Variants in F13A1 observed in about 807,000 individuals in gnomAD.
F13A1 encodes the protein coagulation factor XIII A chain, also known as FSF, A subunit.
F13A1 carries 47 observed loss-of-function variants against 80.1 expected under a neutral mutation model. That is an observed-to-expected ratio of 0.59 (90% CI 0.46 to 0.75). F13A1 has a LOEUF of 0.75. Ranked by LOEUF, F13A1 falls within the 30% of genes least tolerant of loss-of-function variation. The probability of loss-of-function intolerance (pLI) is 0.00; values close to 1 mark genes in which losing one functional copy is unlikely to be tolerated. For synonymous variants in F13A1, 349 were observed against 344.9 expected, an observed-to-expected ratio of 1.01 and a Z score of -0.13; for missense variants, 817 against 930.4, an observed-to-expected ratio of 0.88 and a Z score of 1.59.
At chr6:6,315,551 C>T (rs1032811883) in intron 2 of F13A1, among the ~76,000 whole-genome samples, 1 of 152,106 alleles carries the variant, frequency 6.6e-6, no homozygotes, top group Non-Finnish European at 1.5e-5. Flanking sequence ...GTTACCAAAG[C>T]CATGACTTAA....
chr6:6,305,964 C>T (rs982256391), intron 2 of F13A1, among the ~76,000 whole-genome samples: 1 of 152,194 alleles, frequency 6.6e-6, no homozygotes, highest in Non-Finnish European at 1.5e-5. Context: ...CTTCAATTTT[C>T]TTATCTTTCC....
rs144836742 is a variant in F13A1, at chr6:6,277,623, G to A, written c.320-10814C>T. 7.6e-3 allele frequency among the ~76,000 whole-genome samples: 1,158 copies of A among 152,294 alleles called. 16 individuals carry two copies. Among genetic ancestry groups the A allele is most frequent in the African/African-American group, 0.026 (1,084 of 41,558 alleles). The stretch of plus-strand genomic sequence containing the variant: ...ACCAGCCACAACTACAGTTTTGATT[G>A]CGTAAGAGACTGATTTCAGCATCTT... On this transcript the variant is annotated intron_variant, in intron 3 of 14. Transcript: ENST00000264870.
chr6:6,194,907 ACTCTTTGC>A (rs1315362490), intron 10 of F13A1, among the ~76,000 whole-genome samples: 20 of 152,048 alleles, frequency 1.3e-4, no homozygotes, highest in African/African-American at 4.3e-4. Context: ...TCACTTAATC[ACTCTTTGC>A]CTCGATTTTA....
chr6:6,256,112 A>C (rs911486663), intron 4 of F13A1, among the ~76,000 whole-genome samples: 14 of 152,134 alleles, frequency 9.2e-5, no homozygotes, highest in Non-Finnish European at 4.4e-5. Flanking sequence ...ACTAAGTTTC[A>C]GGGGAAGCTA....
intron 3 of F13A1, among the ~76,000 whole-genome samples, chr6:6,284,005 G>A (rs1455762021): frequency 1.3e-5 from 2 of 152,196 alleles, no homozygotes; most frequent in Non-Finnish European, 2.9e-5. Context: ...CTGAAGCAAG[G>A]ATGATTGAGT....
At chr6:6,304,944 A>C (rs1157753724) in intron 3 of F13A1, among the ~76,000 whole-genome samples, 2 of 151,910 alleles carry the variant, frequency 1.3e-5, no homozygotes, top group African/African-American at 4.8e-5. Context: ...GGGCCATCCC[A>C]TGGGACTAGA....
At chr6:6,220,202 C>G (rs1757172147) in intron 8 of F13A1, among the ~76,000 whole-genome samples, 1 of 152,106 alleles carries the variant, frequency 6.6e-6, no homozygotes, top group African/African-American at 2.4e-5. Flanking sequence ...CTACTACAAG[C>G]CAGGCAAAGG....
chr6:6,168,309 G>A (rs9504700), intron 12 of F13A1, among the ~76,000 whole-genome samples: 4,811 of 152,268 alleles, frequency 0.032, 149 homozygotes, highest in African/African-American at 0.085. Context: ...AAGCCAATGA[G>A]AATGGCATTT....
At chr6:6,240,225 C>T (rs1012366770) in intron 6 of F13A1, among the ~76,000 whole-genome samples, 7 of 151,898 alleles carry the variant, frequency 4.6e-5, no homozygotes, top group African/African-American at 1.7e-4. Flanking sequence ...CTGTTTTTCT[C>T]CAAAAATATG....
At chr6:6,263,358 C>G (rs1395302452) in intron 4 of F13A1, among the ~76,000 whole-genome samples, 2 of 152,210 alleles carry the variant, frequency 1.3e-5, no homozygotes, top group African/African-American at 2.4e-5. Context: ...CTTTCCTCCC[C>G]TATCCTATTC....
At chr6:6,319,645 G>A (rs1479047228) in intron 1 of F13A1, among the ~76,000 whole-genome samples, 1 of 152,118 alleles carries the variant, frequency 6.6e-6, no homozygotes, top group East Asian at 1.9e-4. Flanking sequence ...CTGGAGACTT[G>A]GCTATTTTCA....
intron 6 of F13A1, among the ~76,000 whole-genome samples, chr6:6,242,252 T>C (rs1757492947): frequency 6.6e-6 from 1 of 152,192 alleles, no homozygotes; most frequent in Non-Finnish European, 1.5e-5. Flanking sequence ...CTCCGAATTG[T>C]GGTCAGTTTG....
At chr6:6,281,515 G>T (rs1466325096) in intron 3 of F13A1, among the ~76,000 whole-genome samples, 1 of 152,186 alleles carries the variant, frequency 6.6e-6, no homozygotes, top group Non-Finnish European at 1.5e-5. Flanking sequence ...GAGGAGCTCA[G>T]TTAAGATGTC....
intron 6 of F13A1, 141 bp downstream of exon 6, chr6:6,248,171 C>A: frequency 1.3e-6 from 1 of 753,480 alleles, no homozygotes; most frequent in South Asian, 1.5e-5. Flanking sequence ...GGAGCTATAA[C>A]TGGGTGTCAG....
chr6:6,166,521 A>C (rs899793016), intron 13 of F13A1, among the ~76,000 whole-genome samples: 1 of 152,202 alleles, frequency 6.6e-6, no homozygotes, highest in Non-Finnish European at 1.5e-5. Flanking sequence ...CTTCAAGAAG[A>C]TTGTTCTCCA....
chr6:6,312,272 T>C (rs1370581847), intron 2 of F13A1, among the ~76,000 whole-genome samples: 2 of 151,844 alleles, frequency 1.3e-5, no homozygotes, highest in Admixed American at 6.6e-5. Context: ...GCAATATCAC[T>C]TCAACAAGCC....
intron 3 of F13A1, among the ~76,000 whole-genome samples, chr6:6,294,894 C>G (rs1179283397): frequency 8.8e-6 from 1 of 113,540 alleles, no homozygotes; most frequent in Non-Finnish European, 1.7e-5. Context: ...TCCCTCCCCC[C>G]TCCCCCCACC....
chr6:6,202,665 C>A (rs946267641), intron 8 of F13A1, among the ~76,000 whole-genome samples: 2 of 152,104 alleles, frequency 1.3e-5, no homozygotes, highest in African/African-American at 2.4e-5. Flanking sequence ...GTATAGAAAT[C>A]AAAATAAAGG....
intron 4 of F13A1, among the ~76,000 whole-genome samples, chr6:6,262,358 T>C (rs530600280): frequency 6.6e-6 from 1 of 152,264 alleles, no homozygotes; most frequent in Non-Finnish European, 1.5e-5. Flanking sequence ...ACAGATGTTG[T>C]GTGTGGCTGC....
Sources: gnomAD v4.1 joint callset for allele counts (sites outside exome capture counted in the v4.1 genomes callset) on GRCh38, gnomAD v4.1.1 for gene constraint, MANE v1.5 for transcripts, NCBI Gene and HGNC (gene_info 2026-07-23, HGNC 2026-07-21) for gene names.